Variants in SLC9A8 observed in about 807,000 individuals in gnomAD.
SLC9A8 encodes the protein sodium/hydrogen exchanger 8.
In SLC9A8, 48 loss-of-function variants were observed where a neutral mutation model predicts 66.6. The ratio of observed to expected loss-of-function variants is 0.72; its 90% confidence interval spans 0.57 to 0.92. The LOEUF (loss-of-function observed/expected upper bound fraction) is 0.92. Ranked by LOEUF, SLC9A8 falls within the 40% of genes least tolerant of loss-of-function variation. The probability of loss-of-function intolerance (pLI) is 0.00; values close to 1 mark genes in which losing one functional copy is unlikely to be tolerated. For synonymous variants in SLC9A8, 274 were observed against 282.6 expected, an observed-to-expected ratio of 0.97 and a Z score of 0.31; for missense variants, 599 against 747.3, an observed-to-expected ratio of 0.80 and a Z score of 2.31.
intron 3 of SLC9A8, among the ~76,000 whole-genome samples, chr20:49,825,751 C>G (rs2146480590): frequency 6.6e-6 from 1 of 152,296 alleles, no homozygotes; most frequent in Admixed American, 6.5e-5. Flanking sequence ...TGAATCAGGT[C>G]TCCTGGACCC....
chr20:49,864,141 T>C (rs987710594), intron 9 of SLC9A8, among the ~76,000 whole-genome samples: 195 of 152,218 alleles, frequency 1.3e-3, no homozygotes, highest in East Asian at 9.6e-4. Flanking sequence ...AGTATAGGCA[T>C]TGTGAATGAT....
At chr20:49,860,432 T>C (rs1281633547) in intron 8 of SLC9A8, among the ~76,000 whole-genome samples, 1 of 152,176 alleles carries the variant, frequency 6.6e-6, no homozygotes, top group Non-Finnish European at 1.5e-5. Context: ...ATACCAATCC[T>C]GGGGCCTGGC....
At position 49,834,202 on chromosome 20, in the gene SLC9A8, TATATATATATATAC is replaced by T. The variant is rs1443574231; in HGVS notation, c.290-5337_290-5324del. ...CTCTCTCTCTATATATATATATATA[TATATATATATATAC>T]ACACACACACTATGTATATACACAC... On this transcript the variant is annotated intron_variant, in intron 3 of 15. Coordinates refer to ENST00000361573, the MANE Select transcript of SLC9A8 (RefSeq NM_015266.3). Among the ~76,000 whole-genome samples, 387 of 119,394 alleles carry T rather than the reference TATATATATATATAC, an allele frequency of 3.2e-3. 8 individuals carry two copies. The highest frequency in any genetic ancestry group is 0.012 in the African/African-American group (373 of 31,512). The allele number at this position is 119,394 out of a possible 152,430, so 78.3% of individuals were successfully genotyped here.
chr20:49,840,593 A>G (rs2087720091), intron 4 of SLC9A8, among the ~76,000 whole-genome samples: 1 of 152,194 alleles, frequency 6.6e-6, no homozygotes, highest in Non-Finnish European at 1.5e-5. Context: ...TATATTAAAT[A>G]AATTTTGAAA....
intron 3 of SLC9A8, among the ~76,000 whole-genome samples, chr20:49,823,596 A>G (rs1370802023): frequency 6.6e-6 from 1 of 152,246 alleles, no homozygotes; most frequent in African/African-American, 2.4e-5. Context: ...TAAAGTCTTC[A>G]GAGAGCATTG....
chr20:49,878,650 T>C (rs2089517773), intron 12 of SLC9A8, among the ~76,000 whole-genome samples: 1 of 152,220 alleles, frequency 6.6e-6, no homozygotes, highest in Non-Finnish European at 1.5e-5. Flanking sequence ...AGCTCATTGC[T>C]CTTGGTCACT....
chr20:49,834,432 TG>T (rs2087433150), intron 3 of SLC9A8, among the ~76,000 whole-genome samples: 1 of 30,700 alleles, frequency 3.3e-5, no homozygotes, highest in South Asian at 6.2e-4. Flanking sequence ...ATATATATAC[TG>T]TATATATATA....
chr20:49,816,635 A>G (rs750929577), intron 2 of SLC9A8, among the ~76,000 whole-genome samples: 9 of 152,248 alleles, frequency 5.9e-5, no homozygotes, highest in African/African-American at 7.2e-5. Context: ...CAAAAAACAA[A>G]CAAACAAACA....
chr20:49,848,075 A>G lies in SLC9A8; in HGVS notation c.433-1504A>G, dbSNP rs557172465. ...CGAGTAGCTGGGATTACAGGCGTCT[A>G]TAACCACACCAGCTAATTTTGTATT... is the stretch of plus-strand genomic sequence containing the variant. On this transcript the variant is annotated intron_variant, in intron 5 of 15. Transcript: ENST00000361573. Among the ~76,000 whole-genome samples, 1,062 of 151,894 alleles carry G rather than the reference A, an allele frequency of 7.0e-3. 6 individuals carry two copies. The highest frequency in any genetic ancestry group is 0.011 in the Non-Finnish European group (767 of 67,936).
intron 10 of SLC9A8, among the ~76,000 whole-genome samples, chr20:49,872,778 C>A (rs2089266536): frequency 6.6e-6 from 1 of 152,204 alleles, no homozygotes; most frequent in Non-Finnish European, 1.5e-5. Flanking sequence ...AGCCACCGCG[C>A]CCGGCCGATT....
chr20:49,827,134 G>A (rs1268004561), intron 3 of SLC9A8, among the ~76,000 whole-genome samples: 1 of 151,288 alleles, frequency 6.6e-6, no homozygotes, highest in African/African-American at 2.4e-5. Context: ...TGGAGACAGG[G>A]TTTCACCATG....
intron 11 of SLC9A8, among the ~76,000 whole-genome samples, 158 bp downstream of exon 11, chr20:49,874,979 G>A (rs1173394436): frequency 6.6e-6 from 1 of 152,126 alleles, no homozygotes; most frequent in Non-Finnish European, 1.5e-5. Flanking sequence ...TGTTCCTCTG[G>A]CTTTGAAATT....
At chr20:49,857,574 C>T (rs184930576) in intron 8 of SLC9A8, among the ~76,000 whole-genome samples, 1 of 152,098 alleles carries the variant, frequency 6.6e-6, no homozygotes, top group African/African-American at 2.4e-5. Flanking sequence ...AAAGATTAGC[C>T]AGGTGTGGTG....
chr20:49,816,419 TA>T (rs898702247), intron 2 of SLC9A8, among the ~76,000 whole-genome samples: 53 of 140,558 alleles, frequency 3.8e-4, no homozygotes, highest in Middle Eastern at 3.6e-3. Context: ...GACACTGTCT[TA>T]AAAAAAAAAA....
Position 49,823,287 on chromosome 20 carries a change from T to C in SLC9A8, c.289+146T>C. 4.5e-5 allele frequency: 32 copies of C among 713,270 alleles called. No individual in the cohort carries two copies. The South Asian group carries it at 5.0e-4, about 11-fold the overall frequency. 44.2% of individuals were successfully genotyped at this position (713,270 alleles called of 1,614,324 possible). On this transcript the variant is annotated intron_variant, in intron 3 of 15. Coordinates refer to ENST00000361573, the MANE Select transcript of SLC9A8 (RefSeq NM_015266.3). ...ACTGCAACCTGCCCTAAGGGTGCTA[T>C]GATCCCATTTTACAGATGAGGACAC...
rs1376148751 is a variant in SLC9A8 at position 49,889,354 on chromosome 20, T to G, written c.*1418T>G. 3 of 152,156 alleles carry G rather than the reference T, an allele frequency of 2.0e-5. No individual in the cohort carries two copies. Among genetic ancestry groups the G allele is most frequent in the Admixed American group, 2.0e-4 (3 of 15,272 alleles). 9.4% of individuals were successfully genotyped at this position (152,156 alleles called of 1,614,324 possible). A position where few individuals can be genotyped will look rare whatever the true frequency, so the allele number is the denominator to read the frequency against. ...CAGCATGGACCCTGGGCTGATCATG[T>G]GCATTCCTGCTTCTCTGGGGACACA... On this transcript the variant is annotated 3_prime_UTR_variant, in exon 16 of 16. Transcript: ENST00000361573.
intron 3 of SLC9A8, among the ~76,000 whole-genome samples, chr20:49,834,333 GTATATATATATATACTGTA>G (rs2087380182): frequency 3.2e-4 from 26 of 80,320 alleles, no homozygotes; most frequent in African/African-American, 1.1e-3. Context: ...TATATACTGT[GTATATATATATATACTGTA>G]TATATATATA....
chr20:49,887,331 GCTTTGTTTCCGAGCAGGCCCATTTTC>G (rs965289317), intron 15 of SLC9A8, among the ~76,000 whole-genome samples: 8 of 152,062 alleles, frequency 5.3e-5, no homozygotes, highest in African/African-American at 1.9e-4. Context: ...GCTGCTGCCC[GCTTTGTTTCCGAGCAGGCCCATTTTC>G]CACTCTCCGG....
At chr20:49,860,483 A>G (rs927808979) in intron 8 of SLC9A8, among the ~76,000 whole-genome samples, 4 of 152,038 alleles carry the variant, frequency 2.6e-5, no homozygotes, top group African/African-American at 9.7e-5. Context: ...TTGGGAGGCC[A>G]AGGCAGGTGG....
Sources: gnomAD v4.1 joint callset for allele counts (sites outside exome capture counted in the v4.1 genomes callset) on GRCh38, gnomAD v4.1.1 for gene constraint, MANE v1.5 for transcripts, NCBI Gene and HGNC (gene_info 2026-07-23, HGNC 2026-07-21) for gene names.